Variants in RBM47 observed in about 807,000 individuals in gnomAD.
RBM47 encodes the protein RNA-binding protein 47.
In RBM47, 21 loss-of-function variants were observed where a neutral mutation model predicts 47.1. The ratio of observed to expected loss-of-function variants is 0.45; its 90% CI spans 0.32 to 0.64. The LOEUF (loss-of-function observed/expected upper bound fraction) is 0.64, where lower values mean the gene tolerates loss of function less well. Among genes scored for constraint, RBM47 ranks in the 30% least tolerant of loss-of-function variants. The pLI, the probability that RBM47 is intolerant of heterozygous loss-of-function variation, is 0.05. For missense variants in RBM47, 708 were observed against 870.9 expected, an observed-to-expected ratio of 0.81 and a Z score of 2.35; for synonymous variants, 375 against 361.7, an observed-to-expected ratio of 1.04 and a Z score of -0.42.
At chr4:40,523,654 A>G (rs956771001) in intron 2 of RBM47, among the ~76,000 whole-genome samples, 1 of 136,366 alleles carries the variant, frequency 7.3e-6, no homozygotes, top group Non-Finnish European at 1.5e-5. Context: ...TCCATCTAGG[A>G]AAAAAAAAAA....
At chr4:40,606,617 C>T (rs1735781108) in intron 1 of RBM47, among the ~76,000 whole-genome samples, 1 of 152,118 alleles carries the variant, frequency 6.6e-6, no homozygotes, top group Non-Finnish European at 1.5e-5. Context: ...GCCACACTGC[C>T]TGGATTTGGT....
At chr4:40,436,158 C>T (rs9998419) in intron 5 of RBM47, among the ~76,000 whole-genome samples, 63 of 145,556 alleles carry the variant, frequency 4.3e-4, no homozygotes, top group African/African-American at 1.5e-3. Context: ...GGCGACAGAG[C>T]GAGACTCTGT....
chr4:40,617,141 G>T (rs1227456272), intron 1 of RBM47, among the ~76,000 whole-genome samples: 2 of 151,920 alleles, frequency 1.3e-5, no homozygotes, highest in Admixed American at 6.6e-5. Flanking sequence ...CTCCCAAAGT[G>T]CTGGGATTAC....
rs373300597 is a variant in RBM47, at chr4:40,508,063, T to A, written c.-155+36359A>T. Among the ~76,000 whole-genome samples the A allele has an allele frequency of 3.9e-5, 6 of 152,160 alleles. No homozygotes were observed. In the East Asian group the frequency reaches 9.6e-4, roughly 24 times the overall value. On this transcript the variant is annotated intron_variant, in intron 2 of 6. Coordinates refer to ENST00000295971, the MANE Select transcript of RBM47 (RefSeq NM_001098634.2). Reference sequence around the variant, plus strand: ...CCTGGGCAACAAGAGCGAAATCCCATCTCAAAAAGAAAAGAAAAGTCTGCA... The same window carrying A: ...CCTGGGCAACAAGAGCGAAATCCCAACTCAAAAAGAAAAGAAAAGTCTGCA...
chr4:40,541,147 GC>G (rs1466039381), intron 2 of RBM47, among the ~76,000 whole-genome samples: 3 of 150,530 alleles, frequency 2.0e-5, no homozygotes, highest in Non-Finnish European at 4.4e-5. Flanking sequence ...AATTAGCTGG[GC>G]CCAGCTACTC....
At chr4:40,567,170 G>A (rs1731182254) in intron 1 of RBM47, among the ~76,000 whole-genome samples, 1 of 151,756 alleles carries the variant, frequency 6.6e-6, no homozygotes, top group African/African-American at 2.4e-5. Flanking sequence ...TTATGAATCG[G>A]TGACACCAAG....
intron 1 of RBM47, among the ~76,000 whole-genome samples, chr4:40,592,975 A>G (rs1426016678): frequency 0.01 from 151 of 14,890 alleles, 3 homozygotes; most frequent in African/African-American, 0.016. Flanking sequence ...ATATATATAT[A>G]TATATTTTTT....
chr4:40,611,125 T>G (rs948280764), intron 1 of RBM47, among the ~76,000 whole-genome samples: 1 of 152,196 alleles, frequency 6.6e-6, no homozygotes, highest in Non-Finnish European at 1.5e-5. Flanking sequence ...TGCTACCGAT[T>G]CCTATCATAG....
intron 1 of RBM47, among the ~76,000 whole-genome samples, chr4:40,610,742 C>G (rs567575216): frequency 7.9e-4 from 120 of 152,038 alleles, no homozygotes; most frequent in African/African-American, 2.7e-3. Flanking sequence ...GTGGGAGGAA[C>G]CCAGGGGGGA....
At chr4:40,573,104 C>A (rs1249396546) in intron 1 of RBM47, among the ~76,000 whole-genome samples, 1 of 138,228 alleles carries the variant, frequency 7.2e-6, no homozygotes, top group African/African-American at 2.7e-5. Context: ...AATGAGCCGA[C>A]ATTGCGCCAT....
At chr4:40,596,999 G>A (rs568493246) in intron 1 of RBM47, among the ~76,000 whole-genome samples, 6 of 152,214 alleles carry the variant, frequency 3.9e-5, no homozygotes, top group African/African-American at 9.6e-5. Context: ...GATGGCTCAC[G>A]CCTGTAATCC....
At chr4:40,569,975 G>A (rs771121711) in intron 1 of RBM47, among the ~76,000 whole-genome samples, 1 of 152,014 alleles carries the variant, frequency 6.6e-6, no homozygotes, top group Non-Finnish European at 1.5e-5. Flanking sequence ...GCCTCCCAAA[G>A]TGCTGGGATT....
intron 2 of RBM47, among the ~76,000 whole-genome samples, chr4:40,488,167 T>C (rs1721376842): frequency 6.6e-6 from 1 of 151,588 alleles, no homozygotes; most frequent in South Asian, 2.1e-4. Flanking sequence ...ACTACAAAAT[T>C]AGCCAGTGTA....
intron 2 of RBM47, among the ~76,000 whole-genome samples, chr4:40,539,386 C>T (rs1467855364): frequency 6.6e-6 from 1 of 152,030 alleles, no homozygotes; most frequent in African/African-American, 2.4e-5. Context: ...TACCTGAAGT[C>T]TTAACTGGGT....
rs534079812 is a variant in RBM47, at chr4:40,610,118, C to T, written c.-240+19278G>A. Among the ~76,000 whole-genome samples the T allele has an allele frequency of 4.5e-4, 68 of 151,636 alleles. No homozygotes were observed. The South Asian group carries it at 0.012, about 28-fold the overall frequency. ...AAATAAAAACAAACAAACAAACAAA[C>T]AAAAAAACCTCATTTAAGAATCATC... On this transcript the variant is annotated intron_variant, in intron 1 of 6. Transcript: ENST00000295971.
chr4:40,551,348 A>G (rs1314938509), intron 1 of RBM47, among the ~76,000 whole-genome samples: 3 of 152,236 alleles, frequency 2.0e-5, no homozygotes, highest in African/African-American at 2.4e-5. Context: ...TGGAATCAGC[A>G]TATCAGAAGC....
intron 4 of RBM47, among the ~76,000 whole-genome samples, chr4:40,437,094 T>TATATATATATATATATATAAAATAC (rs1712647159): frequency 2.3e-5 from 1 of 44,100 alleles, no homozygotes; most frequent in African/African-American, 1.2e-4. Context: ...AAAAAAAATA[T>TATATATATATATATATATAAAATAC]ATATATATAT....
Position 40,432,836 on chromosome 4 carries a change from A to T in RBM47, c.1357T>A (p.Tyr453Asn). 5 of 1,613,466 alleles carry T rather than the reference A, an allele frequency of 3.1e-6. No individual in the cohort carries two copies. The highest frequency in any genetic ancestry group is 4.2e-6 in the Non-Finnish European group (5 of 1,179,890). The change falls in exon 6 of 7, where the codon TAT becomes AAT. Residue 453 changes from tyrosine to asparagine, a missense_variant. Transcript: ENST00000295971. ...TVAIPAIGAQYSMFPAAPAPK... is the reference protein window; with the variant it reads ...TVAIPAIGAQNSMFPAAPAPK... ...GCTGGAGCTGCTGGAAACATGGAAT[A>T]CTGAGCCCCAATGGCAGGGATGGCT...
At chr4:40,527,689 G>C (rs79860878) in intron 2 of RBM47, among the ~76,000 whole-genome samples, 1 of 136,190 alleles carries the variant, frequency 7.3e-6, no homozygotes, top group East Asian at 2.2e-4. Flanking sequence ...CAGCCTCCCA[G>C]GACAAATGAA....
Sources: gnomAD v4.1 joint callset for allele counts (sites outside exome capture counted in the v4.1 genomes callset) on GRCh38, gnomAD v4.1.1 for gene constraint, MANE v1.5 for transcripts, NCBI Gene and HGNC (gene_info 2026-07-23, HGNC 2026-07-21) for gene names.